ATP6V1C1: variants seen among roughly 807,000 people sequenced by gnomAD.
ATP6V1C1 encodes V-type proton ATPase subunit C 1.
In ATP6V1C1, 45 loss-of-function variants were observed where a neutral mutation model predicts 53.9. That is an observed-to-expected ratio of 0.83 (90% CI 0.66 to 1.07). The LOEUF (loss-of-function observed/expected upper bound fraction) is 1.07, where lower values mean the gene tolerates loss of function less well. Among genes scored for constraint, ATP6V1C1 ranks in the 50% least tolerant of loss-of-function variants. The probability of loss-of-function intolerance (pLI) is 0.00; values close to 1 mark genes in which losing one functional copy is unlikely to be tolerated. For synonymous variants in ATP6V1C1, 153 were observed against 155.2 expected, an observed-to-expected ratio of 0.99 and a Z score of 0.11; for missense variants, 315 against 440.3, an observed-to-expected ratio of 0.72 and a Z score of 2.55.
intron 12 of ATP6V1C1, among the ~76,000 whole-genome samples, chr8:103,067,314 G>T (rs1040320491): frequency 4.0e-5 from 6 of 149,166 alleles, no homozygotes; most frequent in Admixed American, 2.0e-4. Flanking sequence ...CAGGAGAATC[G>T]CTTGAACCTC....
intron 1 of ATP6V1C1, among the ~76,000 whole-genome samples, chr8:103,022,393 A>G (rs938244753): frequency 6.6e-6 from 1 of 152,118 alleles, no homozygotes; most frequent in African/African-American, 2.4e-5. Flanking sequence ...GGACTTTTGA[A>G]TGGTAGTCGT....
chr8:103,031,794 G>A (rs939999399), intron 1 of ATP6V1C1, among the ~76,000 whole-genome samples: 13 of 152,152 alleles, frequency 8.5e-5, no homozygotes, highest in Non-Finnish European at 1.5e-4. Flanking sequence ...CTGTGGAGCA[G>A]TATCAAGTGG....
intron 1 of ATP6V1C1, among the ~76,000 whole-genome samples, chr8:103,028,328 C>T (rs908674262): frequency 8.5e-5 from 13 of 152,114 alleles, no homozygotes; most frequent in African/African-American, 3.1e-4. Flanking sequence ...CAGAAAAACT[C>T]AGACAGGGAT....
intron 1 of ATP6V1C1, among the ~76,000 whole-genome samples, chr8:103,037,436 G>T (rs1359068970): frequency 6.6e-6 from 1 of 151,988 alleles, no homozygotes; most frequent in African/African-American, 2.4e-5. Context: ...CCTGCCTCAG[G>T]ATCCAAAAAT....
chr8:103,058,796 C>A (rs1443691929), intron 8 of ATP6V1C1, among the ~76,000 whole-genome samples: 1 of 152,160 alleles, frequency 6.6e-6, no homozygotes, highest in South Asian at 2.1e-4. Context: ...ATAAAATATT[C>A]TACAAAGATT....
intron 1 of ATP6V1C1, among the ~76,000 whole-genome samples, chr8:103,029,812 A>C (rs984335197): frequency 2.0e-5 from 3 of 151,794 alleles, no homozygotes; most frequent in Admixed American, 6.6e-5. Flanking sequence ...GGCTCACCGC[A>C]ACCTCTGCCT....
At chr8:103,049,694 T>C (rs144104390) in intron 4 of ATP6V1C1, among the ~76,000 whole-genome samples, 198 of 152,258 alleles carry the variant, frequency 1.3e-3, no homozygotes, top group African/African-American at 4.5e-3. Context: ...CCCAGCACAT[T>C]GGGAGGCTGT....
chr8:103,063,433 C>A (rs1427223413), intron 10 of ATP6V1C1, among the ~76,000 whole-genome samples: 1 of 151,746 alleles, frequency 6.6e-6, no homozygotes, highest in Non-Finnish European at 1.5e-5. Flanking sequence ...AGAAAGCTTT[C>A]TTCTAAAGCT....
At chr8:103,026,776 G>A (rs1816704387) in intron 1 of ATP6V1C1, among the ~76,000 whole-genome samples, 2 of 152,320 alleles carry the variant, frequency 1.3e-5, no homozygotes, top group South Asian at 4.1e-4. Flanking sequence ...TCGCGCCAGT[G>A]CACTCCAGCC....
intron 1 of ATP6V1C1, among the ~76,000 whole-genome samples, chr8:103,035,821 AATCTCTAGTATCTG>A (rs1486241500): frequency 1.3e-5 from 2 of 152,210 alleles, no homozygotes; most frequent in Non-Finnish European, 2.9e-5. Flanking sequence ...AGGTCCATCG[AATCTCTAGTATCTG>A]ATCTCTAGTC....
intron 3 of ATP6V1C1, among the ~76,000 whole-genome samples, chr8:103,043,196 G>A (rs182916626): frequency 2.4e-4 from 37 of 152,246 alleles, no homozygotes; most frequent in African/African-American, 8.2e-4. Context: ...TGGCTGTACC[G>A]TGTAATATTC....
chr8:103,048,768 A>G (rs1817148813), intron 3 of ATP6V1C1, 102 bp from the exon 4 acceptor site: 1 of 943,818 alleles, frequency 1.1e-6, no homozygotes, highest in African/African-American at 1.6e-5. Context: ...GTATAATGGG[A>G]ACATATAGTC....
chr8:103,056,204 A>G (rs1185585679), intron 8 of ATP6V1C1, among the ~76,000 whole-genome samples: 1 of 152,172 alleles, frequency 6.6e-6, no homozygotes, highest in African/African-American at 2.4e-5. Context: ...TGGCAGGGCT[A>G]GAACTAGAAC....
At chr8:103,043,332 GT>G (rs1206052731) in intron 3 of ATP6V1C1, among the ~76,000 whole-genome samples, 1 of 150,924 alleles carries the variant, frequency 6.6e-6, no homozygotes, top group African/African-American at 2.4e-5. Flanking sequence ...TGTTTTTTTT[GT>G]TTTTTTTGAG....
intron 3 of ATP6V1C1, among the ~76,000 whole-genome samples, chr8:103,043,945 G>T (rs1817048951): frequency 6.6e-6 from 1 of 152,170 alleles, no homozygotes; most frequent in Non-Finnish European, 1.5e-5. Flanking sequence ...CTGGAATGCA[G>T]TGGCCAGATG....
chr8:103,026,385 A>C (rs935984403), intron 1 of ATP6V1C1, among the ~76,000 whole-genome samples: 10 of 152,238 alleles, frequency 6.6e-5, no homozygotes, highest in African/African-American at 2.4e-4. Context: ...AGTCTAATAA[A>C]GATTAAATTG....
chr8:103,063,626 C>T (rs1293895408), intron 10 of ATP6V1C1, among the ~76,000 whole-genome samples: 2 of 152,114 alleles, frequency 1.3e-5, no homozygotes, highest in African/African-American at 4.8e-5. Context: ...TAAGACTTTT[C>T]ACTTTCTTGA....
chr8:103,045,757 C>T (rs562809989), intron 3 of ATP6V1C1, among the ~76,000 whole-genome samples: 185 of 151,958 alleles, frequency 1.2e-3, no homozygotes, highest in African/African-American at 4.1e-3. Flanking sequence ...CTGGCTAACA[C>T]GATGAAACCC....
At chr8:103,061,975 A>C (rs1817406459) in intron 8 of ATP6V1C1, among the ~76,000 whole-genome samples, 2 of 152,142 alleles carry the variant, frequency 1.3e-5, no homozygotes, top group African/African-American at 4.8e-5. Flanking sequence ...AAGGTATTAC[A>C]GATTTAAATG....
Sources: allele counts gnomAD v4.1 joint callset (sites outside exome capture counted in the v4.1 genomes callset), GRCh38; gene constraint gnomAD v4.1.1; transcripts MANE v1.5; gene names NCBI Gene and HGNC (gene_info 2026-07-23, HGNC 2026-07-21).